The following FAT1 variants were observed in gnomAD, a reference collection of about 807,000 sequenced individuals.
FAT1 encodes the protein protocadherin Fat 1.
FAT1 carries 171 observed loss-of-function variants against 329.8 expected under a neutral mutation model. The observed-to-expected ratio is 0.52, with a 90% CI of 0.46 to 0.59. FAT1 has a LOEUF of 0.59. Ranked by LOEUF, FAT1 falls within the 20% of genes least tolerant of loss-of-function variation. The pLI is 0.00. For missense variants in FAT1, 5,672 were observed against 5,774.4 expected (o/e 0.98, Z 0.57); for synonymous variants, 2,233 against 2,228.6 (o/e 1.00, Z -0.06).
Position 186,611,548 on chromosome 4 carries a change from C to T in FAT1, c.9691G>A (p.Glu3231Lys). ...ACGGTGGCACCATATTCACGGTACT[C>T]AAACACAGGGGGGTTGTCATTTATG... ...LDINDNPPVF[E>K]YREYGATVSE... is the part of the protein sequence containing the mutation. Residue 3231 changes from glutamate to lysine, a missense_variant, in exon 14 of 27, where the codon GAG (glutamate) becomes AAG (lysine). Glu to Lys is a moderately conservative substitution (Grantham distance 56, BLOSUM62 1). Around this residue, in one of 2 missense-constraint regions of FAT1, gnomAD observed 1,706 missense variants for 1,859.1 expected, o/e 0.92. Transcript: ENST00000441802. 6.2e-7 allele frequency: 1 copy of T among 1,613,912 alleles called. No homozygotes were observed. The highest frequency in any genetic ancestry group is 1.3e-5 in the African/African-American group (1 of 75,016).
At chr4:186,657,194 G>C (rs998542267) in intron 3 of FAT1, among the ~76,000 whole-genome samples, 1 of 152,192 alleles carries the variant, frequency 6.6e-6, no homozygotes, top group Admixed American at 6.5e-5. Flanking sequence ...AATGTTCACA[G>C]CGGATTTACA....
intron 2 of FAT1, among the ~76,000 whole-genome samples, chr4:186,683,119 T>A (rs2126647851): frequency 6.6e-6 from 1 of 152,282 alleles, no homozygotes; most frequent in East Asian, 1.9e-4. Context: ...TATTATTCCC[T>A]CTGATTAAAA....
intron 9 of FAT1, among the ~76,000 whole-genome samples, chr4:186,624,571 T>C (rs1420962154): frequency 6.6e-6 from 1 of 152,218 alleles, no homozygotes. Flanking sequence ...GACCAGAGTA[T>C]GGCACTGACA....
intron 2 of FAT1, among the ~76,000 whole-genome samples, chr4:186,663,905 TA>T (rs1742308182): frequency 6.6e-6 from 1 of 152,228 alleles, no homozygotes; most frequent in African/African-American, 2.4e-5. Flanking sequence ...TGGAGCACTT[TA>T]AAAATATTAT....
intron 2 of FAT1, among the ~76,000 whole-genome samples, chr4:186,692,304 G>T (rs1560996317): frequency 6.7e-6 from 1 of 148,296 alleles, no homozygotes; most frequent in African/African-American, 2.6e-5. Flanking sequence ...TACATCTTAG[G>T]TTATTTATTT....
chr4:186,679,416 C>CAAAA (rs1169141587), intron 2 of FAT1, among the ~76,000 whole-genome samples: 2 of 50,298 alleles, frequency 4.0e-5, no homozygotes, highest in African/African-American at 1.2e-4. Context: ...GACTCTGTCT[C>CAAAA]AAAAAAAAAA....
intron 2 of FAT1, among the ~76,000 whole-genome samples, chr4:186,695,775 A>G (rs973811116): frequency 1.1e-4 from 16 of 150,006 alleles, no homozygotes; most frequent in African/African-American, 4.0e-4. Flanking sequence ...ACACACACAC[A>G]CACACACACA....
intron 3 of FAT1, among the ~76,000 whole-genome samples, chr4:186,643,218 C>T (rs536905893): frequency 4.5e-4 from 68 of 152,242 alleles, no homozygotes; most frequent in South Asian, 1.5e-3. Context: ...AGATGGAGAA[C>T]GCGCTCCCCA....
At chr4:186,678,275 T>C (rs1375457155) in intron 2 of FAT1, among the ~76,000 whole-genome samples, 1 of 151,870 alleles carries the variant, frequency 6.6e-6, no homozygotes, top group African/African-American at 2.4e-5. Flanking sequence ...AGTAGCAGGG[T>C]GGTTACTAAA....
rs776586052 is a variant in FAT1 at position 186,617,022 on chromosome 4, T to A, written c.9058A>T (p.Ser3020Cys). The stretch of plus-strand genomic sequence containing the variant: ...CTGCTTACCTTTTCACAAACTGGAC[T>A]GTTGTCATTTGCATCCAGAACTTTC... ...EVKVLDANDNSPVCEKTLYSD... is the reference protein window; with the variant it reads ...EVKVLDANDNCPVCEKTLYSD... Residue 3020 changes from serine to cysteine, a missense_variant, in exon 11 of 27, where the codon AGT becomes TGT. Physicochemically the swap from Ser to Cys is moderately radical, Grantham distance 112. Transcript: ENST00000441802. 1.9e-6 allele frequency: 3 copies of A among 1,613,246 alleles called. No individual in the cohort carries two copies. The highest frequency in any genetic ancestry group is 2.5e-6 in the Non-Finnish European group (3 of 1,179,692).
rs1297321424 is a variant in FAT1 at position 186,603,569 on chromosome 4, C to T, written c.10957G>A (p.Glu3653Lys). Residue 3653 changes from glutamate (E) to lysine (K), a missense_variant, in exon 19 of 27, where the codon GAA becomes AAA. Glu to Lys is a moderately conservative substitution (Grantham distance 56). This residue lies in a region of FAT1 where 1,706 missense variants were observed against 1,859.1 expected (regional missense o/e 0.92). Transcript: ENST00000441802. ...CGCCAGTAGTCACCAACGAATTCTT[C>T]CGGAGTGAGGTTGGCAAAGCGGATC... ...IAIRFANLTP[E>K]EFVGDYWRNF... 6.2e-7 allele frequency: 1 copy of T among 1,613,978 alleles called. No homozygotes were observed.
At chr4:186,602,383 A>G (rs77766094) in intron 20 of FAT1, among the ~76,000 whole-genome samples, 6,704 of 152,326 alleles carry the variant, frequency 0.044, 496 homozygotes, top group African/African-American at 0.15. Context: ...ATCAGTATGT[A>G]AAGATACATG....
At chr4:186,673,311 A>G (rs1321390859) in intron 2 of FAT1, among the ~76,000 whole-genome samples, 4 of 152,318 alleles carry the variant, frequency 2.6e-5, no homozygotes, top group African/African-American at 9.6e-5. Context: ...CCTGCAGCCC[A>G]GTATCAGAAG....
In FAT1 at chr4:186,595,824, T is replaced by C. The variant is rs759930842; in HGVS notation, c.13003A>G (p.Lys4335Glu). 3 of 1,613,876 alleles carry C rather than the reference T, an allele frequency of 1.9e-6. No homozygotes were observed. The highest frequency in any genetic ancestry group is 2.5e-6 in the Non-Finnish European group (3 of 1,179,870). Residue 4335 changes from lysine to glutamate, a missense_variant and splice_region_variant, in exon 26 of 27, where the codon AAA becomes GAA. Physicochemically the swap from Lys to Glu is moderately conservative, Grantham distance 56. Around this residue, in one of 2 missense-constraint regions of FAT1, gnomAD observed 1,706 missense variants for 1,859.1 expected, o/e 0.92. Coordinates refer to ENST00000441802, the MANE Select transcript of FAT1 (RefSeq NM_005245.4). ...KPSWDFDYDT[K>E]VVDLDPCLSK... ...AGACAGGGATCAAGATCCACCACTTTTGCTAAAAGGAAGGATGACAAACAG... is the reference window on the plus strand; with the variant it reads ...AGACAGGGATCAAGATCCACCACTTCTGCTAAAAGGAAGGATGACAAACAG...
chr4:186,600,991 C>A (rs1457214765), intron 21 of FAT1, among the ~76,000 whole-genome samples: 3 of 152,194 alleles, frequency 2.0e-5, no homozygotes, highest in African/African-American at 7.2e-5. Flanking sequence ...GGATTACAGG[C>A]GTGAGCCACC....
At chr4:186,690,103 A>G (rs1233647250) in intron 2 of FAT1, among the ~76,000 whole-genome samples, 2 of 152,216 alleles carry the variant, frequency 1.3e-5, no homozygotes, top group Non-Finnish European at 2.9e-5. Context: ...CGTTACAGAA[A>G]AGTGTAGTAG....
At chr4:186,721,009 C>G (rs1745446993) in intron 1 of FAT1, among the ~76,000 whole-genome samples, 1 of 152,206 alleles carries the variant, frequency 6.6e-6, no homozygotes, top group South Asian at 2.1e-4. Context: ...CCACCTTACG[C>G]TGCCTCAAAA....
Position 186,588,182 on chromosome 4 carries a change from A to G in FAT1, c.*410T>C, listed in dbSNP as rs1738048077. ...AATGGCACTGACACCACCAAAATTC[A>G]GTTGAAACAAATGCACAAAATATCT... On this transcript the variant is annotated 3_prime_UTR_variant, in exon 27 of 27. Coordinates refer to ENST00000441802, the MANE Select transcript of FAT1 (RefSeq NM_005245.4). 1.3e-5 allele frequency: 3 copies of G among 233,944 alleles called. No individual in the cohort carries two copies. Among genetic ancestry groups the G allele is most frequent in the African/African-American group, 6.7e-5 (3 of 44,966 alleles). The allele number at this position is 233,944 out of a possible 1,614,324, so 14.5% of individuals were successfully genotyped here.
At chr4:186,662,982 G>A (rs899941662) in intron 3 of FAT1, among the ~76,000 whole-genome samples, 11 of 152,054 alleles carry the variant, frequency 7.2e-5, no homozygotes, top group Non-Finnish European at 1.0e-4. Context: ...GACTACAGGC[G>A]CCCGCCACCA....
Sources: gnomAD v4.1 joint callset for allele counts (sites outside exome capture counted in the v4.1 genomes callset) on GRCh38, gnomAD v4.1.1 for gene constraint, gnomAD v4.1.1 regional missense constraint, MANE v1.5 for transcripts, NCBI Gene and HGNC (gene_info 2026-07-23, HGNC 2026-07-21) for gene names.